Variants in HS6ST3 observed in about 807,000 individuals in gnomAD.
HS6ST3 encodes the protein heparan sulfate 6-O-sulfotransferase 3, also known as heparan-sulfate 6-O-sulfotransferase 3.
In HS6ST3, 12 loss-of-function variants were observed where a neutral mutation model predicts 36.7. That is an observed-to-expected ratio of 0.33 (90% confidence interval 0.21 to 0.53). The LOEUF is 0.53. Ranked by LOEUF, HS6ST3 falls within the 20% of genes least tolerant of loss-of-function variation. The pLI is 0.95. For missense variants in HS6ST3, 584 were observed against 640.9 expected (o/e 0.91, Z 0.96); for synonymous variants, 240 against 257.5 (o/e 0.93, Z 0.65).
intron 1 of HS6ST3, chr13:96,573,925 G>T: frequency 1.9e-6 from 1 of 520,292 alleles, no homozygotes; most frequent in Non-Finnish European, 3.8e-6. Context: ...CAAAGAATCC[G>T]GAGGTGACTG....
intron 1 of HS6ST3, among the ~76,000 whole-genome samples, chr13:96,327,342 C>G (rs933669672): frequency 1.3e-4 from 20 of 152,020 alleles, no homozygotes; most frequent in South Asian, 6.2e-4. Context: ...AATCCATCTT[C>G]AATTGATTTT....
intron 1 of HS6ST3, among the ~76,000 whole-genome samples, chr13:96,416,962 G>A (rs1248741782): frequency 2.0e-5 from 3 of 152,080 alleles, no homozygotes; most frequent in Non-Finnish European, 4.4e-5. Context: ...ATGTTAGCCA[G>A]GATGGTCTCG....
chr13:96,785,339 A>G (rs1295762062), intron 1 of HS6ST3, among the ~76,000 whole-genome samples: 1 of 152,208 alleles, frequency 6.6e-6, no homozygotes, highest in South Asian at 2.1e-4. Context: ...AATGTAGAGC[A>G]GTAAATGGGT....
chr13:96,189,098 A>C lies in HS6ST3; in HGVS notation c.707+97529A>C, dbSNP rs1442977554. ...TTCATCTATAATTTTCTATAAATAA[A>C]ATTTCATGACTTGATTAAATCTATA... is the stretch of plus-strand genomic sequence containing the variant. On this transcript the variant is annotated intron_variant, in intron 1 of 1. Transcript: ENST00000376705. Among the ~76,000 whole-genome samples, 3 of 152,284 alleles carry C rather than the reference A, an allele frequency of 2.0e-5. No individual in the cohort carries two copies. In the East Asian group the frequency reaches 5.8e-4, roughly 29 times the overall value.
chr13:96,645,006 A>C (rs1015818430), intron 1 of HS6ST3, among the ~76,000 whole-genome samples: 1 of 151,994 alleles, frequency 6.6e-6, no homozygotes, highest in Non-Finnish European at 1.5e-5. Flanking sequence ...TTTGAATTCA[A>C]ATATGTGTGC....
At position 96,579,215 on chromosome 13, in the gene HS6ST3, A is replaced by G. The variant is rs539249048; in HGVS notation, c.708-253275A>G. 2.5e-3 allele frequency among the ~76,000 whole-genome samples: 388 copies of G among 152,266 alleles called. 1 individual carries two copies. Among genetic ancestry groups the G allele is most frequent in the African/African-American group, 8.9e-3 (370 of 41,550 alleles). On this transcript the variant is annotated intron_variant, in intron 1 of 1. Coordinates refer to ENST00000376705, the MANE Select transcript of HS6ST3 (RefSeq NM_153456.4). ...ATTTTGTACAAGATCTGTTTTCCAT[A>G]ATGTGTTGACAGCTACAATTTCACT...
chr13:96,637,668 C>G (rs1230788691), intron 1 of HS6ST3, among the ~76,000 whole-genome samples: 1 of 151,994 alleles, frequency 6.6e-6, no homozygotes, highest in African/African-American at 2.4e-5. Context: ...GAATACTCTC[C>G]AGGTACCAGG....
chr13:96,333,052 T>C (rs1350826246), intron 1 of HS6ST3, among the ~76,000 whole-genome samples: 1 of 152,232 alleles, frequency 6.6e-6, no homozygotes, highest in Non-Finnish European at 1.5e-5. Flanking sequence ...TCTCAGCCTC[T>C]AAAACTGTGA....
intron 1 of HS6ST3, among the ~76,000 whole-genome samples, chr13:96,728,985 A>G (rs1046576995): frequency 1.3e-5 from 2 of 152,218 alleles, no homozygotes; most frequent in Non-Finnish European, 2.9e-5. Flanking sequence ...TATGTGCCCA[A>G]CCAAGCACTG....
intron 1 of HS6ST3, among the ~76,000 whole-genome samples, chr13:96,539,805 G>A (rs1453434689): frequency 6.6e-6 from 1 of 152,178 alleles, no homozygotes; most frequent in Non-Finnish European, 1.5e-5. Context: ...GGTTCAGAAA[G>A]CCACGGTGGC....
intron 1 of HS6ST3, among the ~76,000 whole-genome samples, chr13:96,673,604 G>A (rs921123424): frequency 6.6e-6 from 1 of 152,004 alleles, no homozygotes; most frequent in South Asian, 2.1e-4. Context: ...TCTTTTTAAA[G>A]AATTCCTCTA....
chr13:96,370,264 C>G (rs2055283213), intron 1 of HS6ST3, among the ~76,000 whole-genome samples: 1 of 152,152 alleles, frequency 6.6e-6, no homozygotes. Flanking sequence ...AAGTTATTTT[C>G]TGTAGCTAAA....
At chr13:96,665,371 G>A (rs1376403373) in intron 1 of HS6ST3, among the ~76,000 whole-genome samples, 4 of 152,072 alleles carry the variant, frequency 2.6e-5, no homozygotes, top group Non-Finnish European at 4.4e-5. Context: ...TGTTCTCATG[G>A]TACTTACAGT....
chr13:96,556,954 G>A (rs540461686), intron 1 of HS6ST3, among the ~76,000 whole-genome samples: 3 of 152,258 alleles, frequency 2.0e-5, no homozygotes, highest in East Asian at 1.9e-4. Flanking sequence ...GCAAAGTGCC[G>A]TTGTTGGGTA....
intron 1 of HS6ST3, among the ~76,000 whole-genome samples, chr13:96,439,104 T>G (rs1204613574): frequency 6.6e-6 from 1 of 151,966 alleles, no homozygotes; most frequent in Non-Finnish European, 1.5e-5. Context: ...TGGTTATATG[T>G]GGCCGCTAGA....
chr13:96,407,544 G>A (rs567218163), intron 1 of HS6ST3, among the ~76,000 whole-genome samples: 4 of 152,174 alleles, frequency 2.6e-5, no homozygotes, highest in Admixed American at 2.6e-4. Flanking sequence ...GGTTAGATAG[G>A]TTGTATTCAC....
intron 1 of HS6ST3, among the ~76,000 whole-genome samples, chr13:96,423,086 T>G (rs2055569387): frequency 6.6e-6 from 1 of 152,146 alleles, no homozygotes; most frequent in Non-Finnish European, 1.5e-5. Context: ...AGCTCATATA[T>G]TTCTACCAAG....
chr13:96,499,024 C>A (rs2055990968), intron 1 of HS6ST3, among the ~76,000 whole-genome samples: 1 of 129,522 alleles, frequency 7.7e-6, no homozygotes. Flanking sequence ...AAAGATTGTT[C>A]ACACATTTTT....
intron 1 of HS6ST3, among the ~76,000 whole-genome samples, chr13:96,351,443 C>G (rs371777128): frequency 4.0e-5 from 6 of 151,646 alleles, no homozygotes; most frequent in African/African-American, 1.5e-4. Context: ...TCCTGAGAAG[C>G]TGGAACTAGA....
Sources: allele counts gnomAD v4.1 joint callset (sites outside exome capture counted in the v4.1 genomes callset), GRCh38; gene constraint gnomAD v4.1.1; transcripts MANE v1.5; gene names NCBI Gene and HGNC (gene_info 2026-07-23, HGNC 2026-07-21).